TNS3: variants seen among roughly 807,000 people sequenced by gnomAD.
The protein encoded by TNS3 is tensin-3.
TNS3 carries 45 observed loss-of-function variants against 140.9 expected under a neutral mutation model. That is an observed-to-expected ratio of 0.32 (90% CI 0.25 to 0.41). The LOEUF is 0.41. Ranked by LOEUF, TNS3 falls within the 10% of genes least tolerant of loss-of-function variation. TNS3 has a pLI of 1.00. For missense variants in TNS3, 1,716 were observed against 1,906.7 expected (o/e 0.90, Z 1.86); for synonymous variants, 815 against 788.4 (o/e 1.03, Z -0.56).
At chr7:47,578,026 A>AC (rs1174089003) in intron 1 of TNS3, among the ~76,000 whole-genome samples, 70 of 152,234 alleles carry the variant, frequency 4.6e-4, no homozygotes, top group Non-Finnish European at 7.9e-4. Context: ...AAAAAAAAAA[A>AC]AAATCGGCCG....
intron 4 of TNS3, among the ~76,000 whole-genome samples, chr7:47,465,767 A>C (rs1239515178): frequency 6.6e-6 from 1 of 151,962 alleles, no homozygotes. Context: ...TCTACTAAAA[A>C]TACAAAATTA....
chr7:47,541,324 A>C (rs1191276937), intron 1 of TNS3, among the ~76,000 whole-genome samples: 2 of 152,166 alleles, frequency 1.3e-5, no homozygotes, highest in East Asian at 1.9e-4. Flanking sequence ...CTAGAAATCA[A>C]AGTAGATGTG....
Position 47,303,603 on chromosome 7 carries a change from G to C in TNS3, c.2823-19C>G. On this transcript the variant is annotated intron_variant, in intron 21 of 30. Transcript: ENST00000311160. ...AGAGGAGCTGTTCAAAAGACAAGCC[G>C]ACCAAGACAGCATGTAAGGTACAAA... 1.3e-6 allele frequency: 2 copies of C among 1,567,242 alleles called. No homozygotes were observed. Among genetic ancestry groups the C allele is most frequent in the Non-Finnish European group, 8.6e-7 (1 of 1,162,674 alleles).
chr7:47,479,615 G>C (rs1312506425), intron 4 of TNS3, among the ~76,000 whole-genome samples: 2 of 152,226 alleles, frequency 1.3e-5, no homozygotes, highest in African/African-American at 4.8e-5. Context: ...AGCTCTTGAT[G>C]CTGCAACATG....
At chr7:47,281,230 C>T (rs1785129664) in intron 28 of TNS3, among the ~76,000 whole-genome samples, 1 of 152,226 alleles carries the variant, frequency 6.6e-6, no homozygotes, top group South Asian at 2.1e-4. Flanking sequence ...ATAGAGACCT[C>T]CTTCCAGGCT....
chr7:47,312,792 T>C (rs1342659872), intron 20 of TNS3, among the ~76,000 whole-genome samples: 1 of 151,590 alleles, frequency 6.6e-6, no homozygotes, highest in Non-Finnish European at 1.5e-5. Context: ...AAATGACAAG[T>C]TAATGGGTGC....
chr7:47,335,245 C>T (rs1430691562), intron 20 of TNS3, among the ~76,000 whole-genome samples: 1 of 152,148 alleles, frequency 6.6e-6, no homozygotes, highest in Non-Finnish European at 1.5e-5. Context: ...GCGAGGGCTG[C>T]CACTGACGCT....
chr7:47,423,952 T>C, intron 10 of TNS3, 149 bp downstream of exon 10: 1 of 765,842 alleles, frequency 1.3e-6, no homozygotes, highest in Non-Finnish European at 2.1e-6. Context: ...GAGGGACAAG[T>C]CTCCCCACCA....
intron 2 of TNS3, among the ~76,000 whole-genome samples, chr7:47,522,394 G>A (rs1799014568): frequency 6.6e-6 from 1 of 151,878 alleles, no homozygotes; most frequent in Non-Finnish European, 1.5e-5. Flanking sequence ...CGTAACTTCC[G>A]ACCCCCCAGT....
chr7:47,520,326 C>T (rs1384954666), intron 2 of TNS3, among the ~76,000 whole-genome samples: 1 of 152,124 alleles, frequency 6.6e-6, no homozygotes, highest in African/African-American at 2.4e-5. Context: ...CTGAATAAAC[C>T]AACAGAAAAC....
At chr7:47,566,554 G>A (rs565158432) in intron 1 of TNS3, among the ~76,000 whole-genome samples, 5 of 152,174 alleles carry the variant, frequency 3.3e-5, no homozygotes, top group South Asian at 2.1e-4. Context: ...AGACAATAGT[G>A]TTTCTAAAGT....
intron 4 of TNS3, among the ~76,000 whole-genome samples, chr7:47,478,411 TACAC>T (rs10531755): frequency 0.013 from 1,867 of 147,870 alleles, 14 homozygotes; most frequent in African/African-American, 0.018. Context: ...CTCAGGGAAA[TACAC>T]ACACACACAC....
At chr7:47,572,378 A>G (rs1341404366) in intron 1 of TNS3, among the ~76,000 whole-genome samples, 1 of 152,188 alleles carries the variant, frequency 6.6e-6, no homozygotes, top group Admixed American at 6.5e-5. Flanking sequence ...TGCTGCAAAC[A>G]CCTTCGTGGG....
At chr7:47,404,392 A>G (rs1211377725) in intron 13 of TNS3, among the ~76,000 whole-genome samples, 1 of 152,214 alleles carries the variant, frequency 6.6e-6, no homozygotes, top group Non-Finnish European at 1.5e-5. Context: ...TTCATTATCC[A>G]ATAATGATAT....
chr7:47,408,368 A>G (rs867260134), intron 13 of TNS3, among the ~76,000 whole-genome samples: 1 of 151,722 alleles, frequency 6.6e-6, no homozygotes, highest in Non-Finnish European at 1.5e-5. Context: ...ACAGAGATGC[A>G]TGTAATGTCT....
chr7:47,415,352 G>C, intron 10 of TNS3, 146 bp from the exon 11 acceptor site: 1 of 591,174 alleles, frequency 1.7e-6, no homozygotes, highest in Non-Finnish European at 2.9e-6. Flanking sequence ...TTCTCAGCAT[G>C]GTGCTGCGCT....
chr7:47,460,212 C>A (rs1204856781), intron 4 of TNS3, among the ~76,000 whole-genome samples: 1 of 115,054 alleles, frequency 8.7e-6, no homozygotes, highest in African/African-American at 3.7e-5. Context: ...GACTCTGTCC[C>A]AAAAAAAAAA....
intron 4 of TNS3, among the ~76,000 whole-genome samples, chr7:47,470,185 G>C (rs897505205): frequency 6.6e-6 from 1 of 151,978 alleles, no homozygotes; most frequent in African/African-American, 2.4e-5. Flanking sequence ...ATAAACATGG[G>C]AACAGTAAAC....
chr7:47,355,629 T>C lies in TNS3; in HGVS notation c.2282-9273A>G, dbSNP rs541780375. On this transcript the variant is annotated intron_variant, in intron 17 of 30. Coordinates refer to ENST00000311160, the MANE Select transcript of TNS3 (RefSeq NM_022748.12). ...TCAGATCGCTTAGCCAGAAAATGTTTTTTAAATTTTGTTTAAAACACCCAC... is the reference window on the plus strand; with the variant it reads ...TCAGATCGCTTAGCCAGAAAATGTTCTTTAAATTTTGTTTAAAACACCCAC... Among the ~76,000 whole-genome samples the C allele has an allele frequency of 2.4e-4, 37 of 152,342 alleles. 1 individual carries two copies. In the South Asian group the frequency reaches 6.8e-3, roughly 28 times the overall value.
Sources: allele counts gnomAD v4.1 joint callset (sites outside exome capture counted in the v4.1 genomes callset), GRCh38; gene constraint gnomAD v4.1.1; transcripts MANE v1.5; gene names NCBI Gene and HGNC (gene_info 2026-07-23, HGNC 2026-07-21).